The following ADAMTSL1 variants were observed in gnomAD, a reference collection of about 807,000 sequenced individuals.
ADAMTSL1 encodes the protein ADAMTS like 1.
Under a neutral mutation model 201.8 loss-of-function variants are expected in ADAMTSL1, and 126 were observed. The observed-to-expected ratio is 0.62, with a 90% CI of 0.54 to 0.72. The LOEUF is 0.72. ADAMTSL1 is among the 30% of genes least tolerant of loss of function. ADAMTSL1 has a pLI of 0.00. For missense variants in ADAMTSL1, 2,679 were observed against 2,277.8 expected, an observed-to-expected ratio of 1.18 and a Z score of -3.59; for synonymous variants, 1,121 against 903.4, an observed-to-expected ratio of 1.24 and a Z score of -4.32.
chr9:18,493,700 T>A (rs78891807), intron 1 of ADAMTSL1, among the ~76,000 whole-genome samples: 2,339 of 152,336 alleles, frequency 0.015, 55 homozygotes, highest in African/African-American at 0.053. Context: ...GATTCATTTT[T>A]GTCCTCTTCT....
rs1830433816 is a variant in ADAMTSL1 at position 18,908,466 on chromosome 9, A to T, written c.5207A>T (p.Tyr1736Phe). The stretch of plus-strand genomic sequence containing the variant: ...GTGGAGTGCAGAGACACCACCAGGT[A>T]CTGCGAGAAGGTGAAACAGCTGAAA... Reference protein sequence around the residue: ...ENMECRDTTRYCEKVKQLKLC... With the variant: ...ENMECRDTTRFCEKVKQLKLC... The change falls in exon 29 of 29, where the codon TAC becomes TTC. Residue 1736 changes from tyrosine (Y) to phenylalanine (F), a missense_variant. Tyr to Phe is a conservative substitution (Grantham distance 22). Coordinates refer to ENST00000380548, the MANE Select transcript of ADAMTSL1 (RefSeq NM_001040272.6). The T allele has an allele frequency of 3.7e-5, 58 of 1,560,670 alleles. No homozygotes were observed. The highest frequency in any genetic ancestry group is 4.9e-5 in the Non-Finnish European group (57 of 1,152,414).
chr9:18,175,939 G>T (rs1828127110), intron 2 of ADAMTSL1, among the ~76,000 whole-genome samples: 1 of 147,594 alleles, frequency 6.8e-6, no homozygotes, highest in Admixed American at 6.8e-5. Flanking sequence ...TCCAAGTCTG[G>T]GAAAAGAAGA....
intron 1 of ADAMTSL1, among the ~76,000 whole-genome samples, chr9:18,061,651 C>T (rs1245587227): frequency 6.6e-6 from 1 of 152,154 alleles, no homozygotes; most frequent in East Asian, 1.9e-4. Flanking sequence ...TGGGATTTTG[C>T]TATGTGCAGT....
At chr9:18,472,880 G>T (rs912563368), upstream of ADAMTSL1, among the ~76,000 whole-genome samples, 2 of 152,188 alleles carry the variant, frequency 1.3e-5, no homozygotes, top group Non-Finnish European at 2.9e-5. Flanking sequence ...AAAACTCAAT[G>T]ATTTCCTTTG....
chr9:18,390,773 G>A (rs1838011973), intron 2 of ADAMTSL1, among the ~76,000 whole-genome samples: 1 of 151,654 alleles, frequency 6.6e-6, no homozygotes, highest in Non-Finnish European at 1.5e-5. Context: ...CTAGCATACA[G>A]ATAAATACAA....
intron 2 of ADAMTSL1, among the ~76,000 whole-genome samples, chr9:18,300,986 A>G (rs936218118): frequency 1.3e-5 from 2 of 152,258 alleles, no homozygotes; most frequent in Non-Finnish European, 2.9e-5. Context: ...AAAAAAATGT[A>G]CAATTATTTC....
chr9:18,498,677 C>T (rs1015780092), intron 1 of ADAMTSL1, among the ~76,000 whole-genome samples: 2 of 152,206 alleles, frequency 1.3e-5, no homozygotes, highest in African/African-American at 4.8e-5. Flanking sequence ...CGAGATCTGA[C>T]AACATGTCTA....
At chr9:18,693,167 T>C (rs1038365694) in intron 13 of ADAMTSL1, among the ~76,000 whole-genome samples, 1 of 152,234 alleles carries the variant, frequency 6.6e-6, no homozygotes, top group Non-Finnish European at 1.5e-5. Flanking sequence ...GAGTAGCTGA[T>C]GGCATGATAA....
chr9:18,818,931 C>T (rs1824030471), intron 21 of ADAMTSL1, among the ~76,000 whole-genome samples: 1 of 152,134 alleles, frequency 6.6e-6, no homozygotes, highest in Non-Finnish European at 1.5e-5. Flanking sequence ...TCCCTTCAGC[C>T]CCTGTACTCC....
rs550368779 is a variant in ADAMTSL1 at position 18,759,395 on chromosome 9, G to A, written c.2217+5887G>A. Among the ~76,000 whole-genome samples, 11 of 152,268 alleles carry A rather than the reference G, an allele frequency of 7.2e-5. No individual in the cohort carries two copies. The East Asian group carries it at 1.7e-3, about 24-fold the overall frequency. On this transcript the variant is annotated intron_variant, in intron 16 of 28. Coordinates refer to ENST00000380548, the MANE Select transcript of ADAMTSL1 (RefSeq NM_001040272.6). ...TTTAAACATACATACATACCTTCAA[G>A]CAAAGACAAAAATACCTTTGGTTTG...
intron 2 of ADAMTSL1, among the ~76,000 whole-genome samples, chr9:18,424,028 A>G (rs1468308961): frequency 6.6e-6 from 1 of 152,242 alleles, no homozygotes; most frequent in Non-Finnish European, 1.5e-5. Flanking sequence ...GAACATGAGA[A>G]TGTTTGAGTT....
intron 23 of ADAMTSL1, among the ~76,000 whole-genome samples, chr9:18,866,362 G>C (rs1238492368): frequency 6.6e-6 from 1 of 152,126 alleles, no homozygotes; most frequent in South Asian, 2.1e-4. Context: ...AATTACAGGG[G>C]CCTGTACTAC....
At chr9:18,224,079 C>G (rs1480633447) in intron 2 of ADAMTSL1, among the ~76,000 whole-genome samples, 1 of 152,078 alleles carries the variant, frequency 6.6e-6, no homozygotes, top group Non-Finnish European at 1.5e-5. Context: ...AGAACATGCC[C>G]AGTCCTTAGA....
chr9:18,190,505 A>G (rs566115371), intron 2 of ADAMTSL1, among the ~76,000 whole-genome samples: 19 of 152,246 alleles, frequency 1.2e-4, no homozygotes, highest in African/African-American at 3.9e-4. Flanking sequence ...CAGAGTGCCT[A>G]TTTCAACCCG....
chr9:18,737,175 C>T (rs956123022), intron 15 of ADAMTSL1, among the ~76,000 whole-genome samples: 7 of 151,900 alleles, frequency 4.6e-5, no homozygotes, highest in South Asian at 4.2e-4. Flanking sequence ...AAAAATTAGC[C>T]GGGCGTGATG....
At chr9:18,567,227 G>A (rs919728528) in intron 3 of ADAMTSL1, among the ~76,000 whole-genome samples, 2 of 152,168 alleles carry the variant, frequency 1.3e-5, no homozygotes, top group African/African-American at 2.4e-5. Flanking sequence ...CACTTTGGGA[G>A]GCTGAGGCAG....
chr9:18,575,551 G>T (rs140150640), intron 4 of ADAMTSL1, among the ~76,000 whole-genome samples: 1,555 of 152,260 alleles, frequency 0.01, 37 homozygotes, highest in African/African-American at 0.035. Flanking sequence ...ACTCTTAGTG[G>T]TAATGAAATG....
rs1356624097 is a variant in ADAMTSL1 at position 17,927,580 on chromosome 9, A to G, written c.87+20658A>G. Among the ~76,000 whole-genome samples the G allele has an allele frequency of 2.0e-5, 3 of 152,250 alleles. No homozygotes were observed. In the South Asian group the frequency reaches 6.2e-4, roughly 32 times the overall value. On this transcript the variant is annotated intron_variant, in intron 1 of 29. Coordinates refer to the ADAMTSL1 transcript ENST00000680146. ...CTTCAGATCAAAATATCTAAAAACA[A>G]TAAAAAACAGATGGTTGCATCTGTA...
rs560416646 is a variant in ADAMTSL1, at chr9:18,636,541, G to C, written c.676+524G>C. Among the ~76,000 whole-genome samples the C allele has an allele frequency of 2.0e-5, 3 of 152,086 alleles. No individual in the cohort carries two copies. In the South Asian group the frequency reaches 6.2e-4, roughly 32 times the overall value. ...ATCCCATGTTTTAAAGAAAATTCAG[G>C]GACCTCATATCTTAAAGATAGCTAC... On this transcript the variant is annotated intron_variant, in intron 6 of 28. Coordinates refer to ENST00000380548, the MANE Select transcript of ADAMTSL1 (RefSeq NM_001040272.6).
Sources: gnomAD v4.1 joint callset for allele counts (sites outside exome capture counted in the v4.1 genomes callset) on GRCh38, gnomAD v4.1.1 for gene constraint, MANE v1.5 for transcripts, NCBI Gene and HGNC (gene_info 2026-07-23, HGNC 2026-07-21) for gene names.